Variants in ATE1 observed in about 807,000 individuals in gnomAD.
ATE1 encodes the protein arginyl-tRNA--protein transferase 1.
ATE1 carries 36 observed loss-of-function variants against 70.5 expected under a neutral mutation model. The observed-to-expected ratio is 0.51, with a 90% CI of 0.39 to 0.67. ATE1 has a LOEUF of 0.67. Ranked by LOEUF, ATE1 falls within the 30% of genes least tolerant of loss-of-function variation. ATE1 has a pLI of 0.00. For synonymous variants in ATE1, 232 were observed against 219.3 expected (o/e 1.06, Z -0.51); for missense variants, 593 against 629.5 (o/e 0.94, Z 0.62).
At chr10:121,917,762 G>A (rs182655870) in intron 3 of ATE1, among the ~76,000 whole-genome samples, 45 of 152,284 alleles carry the variant, frequency 3.0e-4, no homozygotes, top group Non-Finnish European at 4.6e-4. Context: ...CAGGAAATGG[G>A]ACAGGGGGGT....
At chr10:121,902,346 A>C (rs1446868239) in intron 6 of ATE1, 45 bp downstream of exon 6, 1 of 1,535,762 alleles carries the variant, frequency 6.5e-7, no homozygotes, top group Admixed American at 2.0e-5. Context: ...TGCCCAAACA[A>C]AAAAAAATCA....
intron 8 of ATE1, among the ~76,000 whole-genome samples, chr10:121,862,599 C>T (rs1949516431): frequency 7.5e-6 from 1 of 133,952 alleles, no homozygotes; most frequent in African/African-American, 2.8e-5. Context: ...GTCTCAAACT[C>T]CTGAGCTCAA....
Position 121,858,624 on chromosome 10 carries a change from A to G in ATE1, c.975+11382T>C, listed in dbSNP as rs927901682. On this transcript the variant is annotated intron_variant, in intron 8 of 11. Transcript: ENST00000224652. ...ATTAAAAGTTTACCTACTTTTCCTT[A>G]TTATATATATATAATATATATATTT... is the stretch of plus-strand genomic sequence containing the variant. 2.7e-5 allele frequency among the ~76,000 whole-genome samples: 4 copies of G among 146,660 alleles called. No individual in the cohort carries two copies. The East Asian group carries it at 7.8e-4, about 29-fold the overall frequency.
At chr10:121,871,196 T>C (rs1949843411) in intron 7 of ATE1, among the ~76,000 whole-genome samples, 1 of 152,224 alleles carries the variant, frequency 6.6e-6, no homozygotes, top group South Asian at 2.1e-4. Flanking sequence ...GGCTCACGCA[T>C]GTAATCCCAG....
At chr10:121,836,449 AAG>A (rs1948436314) in intron 10 of ATE1, among the ~76,000 whole-genome samples, 1 of 152,192 alleles carries the variant, frequency 6.6e-6, no homozygotes, top group African/African-American at 2.4e-5. Context: ...GGAAACATCA[AAG>A]AGTTTCATTA....
In ATE1 at chr10:121,877,955, C is replaced by T. The variant is rs114375476; in HGVS notation, c.943-7917G>A. On this transcript the variant is annotated intron_variant, in intron 7 of 11. Coordinates refer to ENST00000224652, the MANE Select transcript of ATE1 (RefSeq NM_001001976.3). ...CAAGAATGTTCATAGCAACTTTATTCGTAACAGGCAAAAGCTGTCAACACA... is the reference window on the plus strand; with the variant it reads ...CAAGAATGTTCATAGCAACTTTATTTGTAACAGGCAAAAGCTGTCAACACA... Among the ~76,000 whole-genome samples, 1,081 of 152,250 alleles carry T rather than the reference C, an allele frequency of 7.1e-3. 24 individuals carry two copies. Among genetic ancestry groups the T allele is most frequent in the African/African-American group, 0.024 (1,017 of 41,556 alleles).
chr10:121,863,001 T>C (rs939746291), intron 8 of ATE1, among the ~76,000 whole-genome samples: 2 of 152,200 alleles, frequency 1.3e-5, no homozygotes, highest in African/African-American at 2.4e-5. Context: ...GCATACTGTG[T>C]GGTAGTGTTG....
At chr10:121,919,755 A>G (rs188107684) in intron 3 of ATE1, among the ~76,000 whole-genome samples, 1 of 152,046 alleles carries the variant, frequency 6.6e-6, no homozygotes, top group Non-Finnish European at 1.5e-5. Flanking sequence ...AAAATTAACC[A>G]GGCCTAGCGG....
intron 4 of ATE1, among the ~76,000 whole-genome samples, chr10:121,911,591 C>A (rs974533606): frequency 6.6e-6 from 1 of 152,100 alleles, no homozygotes; most frequent in Admixed American, 6.6e-5. Context: ...AGGAAACTTG[C>A]GACCCTGAAC....
At position 121,745,329 on chromosome 10, in the gene ATE1, C is replaced by A. The variant is rs79962549; in HGVS notation, c.1379-1471G>T. 0.018 allele frequency among the ~76,000 whole-genome samples: 2,755 copies of A among 152,180 alleles called. 173 individuals are homozygous for A. The East Asian group carries it at 0.21, about 12-fold the overall frequency. On this transcript the variant is annotated intron_variant, in intron 11 of 11. Coordinates refer to ENST00000224652, the MANE Select transcript of ATE1 (RefSeq NM_001001976.3). ...TAACCACCTGAGATTTTGAAAAATA[C>A]CAAAGCCTGGATCCCCTCCCCGGAG...
intron 11 of ATE1, among the ~76,000 whole-genome samples, chr10:121,773,361 C>T (rs563750953): frequency 1.5e-3 from 228 of 152,304 alleles, no homozygotes; most frequent in African/African-American, 5.1e-3. Flanking sequence ...GCAACCAAGT[C>T]GATAGGGCAA....
chr10:121,749,735 C>T (rs1238659545), intron 11 of ATE1, among the ~76,000 whole-genome samples: 7 of 152,118 alleles, frequency 4.6e-5, no homozygotes, highest in Non-Finnish European at 8.8e-5. Context: ...ATGCAGAACC[C>T]TCACTTCTAC....
chr10:121,908,139 C>A (rs1017177644), intron 5 of ATE1, among the ~76,000 whole-genome samples: 1 of 152,028 alleles, frequency 6.6e-6, no homozygotes, highest in Non-Finnish European at 1.5e-5. Flanking sequence ...CCAATGATAC[C>A]AACAAGAAAA....
At chr10:121,863,603 A>T (rs946612604) in intron 8 of ATE1, among the ~76,000 whole-genome samples, 4 of 151,762 alleles carry the variant, frequency 2.6e-5, no homozygotes, top group African/African-American at 9.7e-5. Context: ...AAAATTCTTA[A>T]GTTTTTTTTT....
intron 11 of ATE1, among the ~76,000 whole-genome samples, chr10:121,781,332 C>G (rs1011577382): frequency 2.0e-5 from 3 of 152,196 alleles, no homozygotes; most frequent in African/African-American, 4.8e-5. Context: ...GATGCAGCAG[C>G]CTGGTACACA....
chr10:121,787,988 A>G (rs187368120), intron 11 of ATE1, among the ~76,000 whole-genome samples: 50 of 152,358 alleles, frequency 3.3e-4, no homozygotes, highest in African/African-American at 1.1e-3. Context: ...TTGGGGGATA[A>G]GAAATTTAGG....
chr10:121,847,000 T>G (rs954452306), intron 8 of ATE1, among the ~76,000 whole-genome samples: 1 of 152,190 alleles, frequency 6.6e-6, no homozygotes, highest in East Asian at 1.9e-4. Context: ...TAACATGCTA[T>G]TGAACTGGAA....
chr10:121,800,500 C>G (rs1384745152), intron 10 of ATE1, among the ~76,000 whole-genome samples: 1 of 152,108 alleles, frequency 6.6e-6, no homozygotes, highest in Non-Finnish European at 1.5e-5. Flanking sequence ...CTCAAGAATA[C>G]TTTATAAATA....
At position 121,783,880 on chromosome 10, in the gene ATE1, G is replaced by C. The variant is rs76019563; in HGVS notation, c.1378+6289C>G. On this transcript the variant is annotated intron_variant, in intron 11 of 11. Coordinates refer to ENST00000224652, the MANE Select transcript of ATE1 (RefSeq NM_001001976.3). Reference sequence around the variant, plus strand: ...TATAAAAGGAACTGCTTGTTTGGGGGAAAATTTTTTTTTTTTCGGTTTTGA... The same window carrying C: ...TATAAAAGGAACTGCTTGTTTGGGGCAAAATTTTTTTTTTTTCGGTTTTGA... Among the ~76,000 whole-genome samples the C allele has an allele frequency of 3.3e-3, 494 of 150,770 alleles. 23 individuals carry two copies. In the East Asian group the frequency reaches 0.071, roughly 22 times the overall value.
Sources: gnomAD v4.1 joint callset for allele counts (sites outside exome capture counted in the v4.1 genomes callset) on GRCh38, gnomAD v4.1.1 for gene constraint, MANE v1.5 for transcripts, NCBI Gene and HGNC (gene_info 2026-07-23, HGNC 2026-07-21) for gene names.